The following DMD variants were observed in gnomAD, a reference collection of about 807,000 sequenced individuals.
DMD encodes the protein dystrophin.
In DMD, 63 loss-of-function variants were observed where a neutral mutation model predicts 330.1. The ratio of observed to expected loss-of-function variants is 0.19; its 90% CI spans 0.16 to 0.24. DMD has a LOEUF of 0.24. Ranked by LOEUF, DMD falls within the 10% of genes least tolerant of loss-of-function variation. DMD has a pLI of 1.00. For missense variants in DMD, 3,344 were observed against 2,684.1 expected (o/e 1.25, Z -5.43); for synonymous variants, 1,223 against 959.8 (o/e 1.27, Z -5.07).
intron 44 of DMD, among the ~76,000 whole-genome samples, chrX:32,201,088 C>G (rs780792794): frequency 5.4e-5 from 6 of 111,659 alleles, no homozygotes; most frequent in African/African-American, 2.0e-4. Flanking sequence ...GTAGGGGATA[C>G]ATTCCAAGAC....
At chrX:32,666,150 A>G (rs768083265) in intron 9 of DMD, among the ~76,000 whole-genome samples, 2 of 111,457 alleles carry the variant, frequency 1.8e-5, no homozygotes, top group Non-Finnish European at 3.8e-5. Flanking sequence ...CACTATAAAT[A>G]TGACAAGGAC....
At chrX:31,174,366 ATCTTT>A (rs2148236691) in intron 71 of DMD, among the ~76,000 whole-genome samples, 1 of 111,919 alleles carries the variant, frequency 8.9e-6, no homozygotes, top group Non-Finnish European at 1.9e-5. Flanking sequence ...ATAAACACCT[ATCTTT>A]TCTTATCTCC....
At chrX:32,454,640 G>C in intron 26 of DMD, 22 bp downstream of exon 26, 2 of 1,035,580 alleles carry the variant, frequency 1.9e-6, no homozygotes, top group Non-Finnish European at 2.6e-6. Flanking sequence ...GTTTTACTTA[G>C]TTTTTCTTTT....
At chrX:33,161,839 G>C (rs759503958) in intron 1 of DMD, among the ~76,000 whole-genome samples, 5 of 111,982 alleles carry the variant, frequency 4.5e-5, no homozygotes, top group Non-Finnish European at 9.4e-5. Context: ...ACACTAATCT[G>C]AAGTTGTTAA....
intron 2 of DMD, among the ~76,000 whole-genome samples, chrX:32,891,915 T>C (rs764698269): frequency 5.4e-5 from 6 of 111,086 alleles, no homozygotes; most frequent in Non-Finnish European, 9.4e-5. Flanking sequence ...AATCCTGCCA[T>C]CCTCTCGCGT....
At chrX:32,650,117 C>CAG (rs1389175305) in intron 9 of DMD, among the ~76,000 whole-genome samples, 1 of 111,259 alleles carries the variant, frequency 9.0e-6, no homozygotes, top group African/African-American at 3.3e-5. Flanking sequence ...GTAGTGAAAC[C>CAG]AGCAGCCCAG....
intron 29 of DMD, among the ~76,000 whole-genome samples, chrX:32,433,759 A>T (rs779509916): frequency 1.8e-5 from 2 of 111,959 alleles, no homozygotes; most frequent in Non-Finnish European, 1.9e-5. Context: ...CATATCTGAC[A>T]ATTAAAAGGG....
chrX:32,120,497 G>A (rs1480798952), intron 44 of DMD, among the ~76,000 whole-genome samples: 2 of 112,283 alleles, frequency 1.8e-5, no homozygotes, highest in East Asian at 2.8e-4. Context: ...CACTGATTCA[G>A]TAGGTTTGGG....
At chrX:32,346,400 T>C (rs1282844924) in intron 38 of DMD, among the ~76,000 whole-genome samples, 1 of 111,165 alleles carries the variant, frequency 9.0e-6, no homozygotes, top group Non-Finnish European at 1.9e-5. Flanking sequence ...TTTAGTGTAG[T>C]TCTAGAAATT....
At chrX:33,081,495 A>C (rs1237030407) in intron 1 of DMD, among the ~76,000 whole-genome samples, 2 of 111,839 alleles carry the variant, frequency 1.8e-5, no homozygotes, top group Admixed American at 9.5e-5. Context: ...GCTGGTCTCA[A>C]ACTGCTGACC....
At chrX:32,970,710 TAAG>T (rs772880717) in intron 2 of DMD, among the ~76,000 whole-genome samples, 2 of 93,077 alleles carry the variant, frequency 2.1e-5, no homozygotes, top group Admixed American at 1.1e-4. Context: ...TAAGGCACAA[TAAG>T]AAGAATTTTC....
intron 7 of DMD, among the ~76,000 whole-genome samples, chrX:32,711,398 A>G (rs2065177913): frequency 9.0e-6 from 1 of 111,031 alleles, no homozygotes. Context: ...TCATAGCTCC[A>G]GTCCCCATAT....
intron 1 of DMD, among the ~76,000 whole-genome samples, chrX:33,094,077 T>G (rs1030363535): frequency 1.3e-4 from 14 of 107,343 alleles, no homozygotes; most frequent in African/African-American, 4.3e-4. Flanking sequence ...AAAATGTGTG[T>G]TTTTTTTTTC....
chrX:32,223,216 T>A lies in DMD; in HGVS notation c.6291-6153A>T, dbSNP rs2097137205. ...AAGTCCAAGATAAAGGCTCTGGCAT[T>A]TGGTGTCTGGTGAGGGCCTTCCTGC... On this transcript the variant is annotated intron_variant, in intron 43 of 78. Coordinates refer to ENST00000357033, the MANE Select transcript of DMD (RefSeq NM_004006.3). Among the ~76,000 whole-genome samples the A allele has an allele frequency of 2.7e-5, 3 of 111,813 alleles. No homozygotes were observed. The Admixed American group carries it at 2.9e-4, about 11-fold the overall frequency.
At chrX:31,125,994 GAC>G (rs1202985429) in intron 78 of DMD, among the ~76,000 whole-genome samples, 2 of 111,304 alleles carry the variant, frequency 1.8e-5, no homozygotes, top group East Asian at 5.7e-4. Context: ...TGTCACCTGG[GAC>G]ACACTGCTTA....
At chrX:31,699,426 T>G (rs761501536) in intron 52 of DMD, among the ~76,000 whole-genome samples, 1 of 112,345 alleles carries the variant, frequency 8.9e-6, no homozygotes, top group South Asian at 3.7e-4. Context: ...TTGGTAAATT[T>G]CAACTTGGCA....
At chrX:32,721,180 C>T (rs752534141) in intron 7 of DMD, among the ~76,000 whole-genome samples, 3 of 110,963 alleles carry the variant, frequency 2.7e-5, no homozygotes, top group East Asian at 2.8e-4. Flanking sequence ...GTAAGGCTAT[C>T]TCCACAAGGT....
intron 7 of DMD, among the ~76,000 whole-genome samples, chrX:32,726,993 A>G (rs2066963632): frequency 1.8e-5 from 2 of 110,737 alleles, no homozygotes; most frequent in African/African-American, 3.3e-5. Flanking sequence ...GTAGATTCAT[A>G]AAGACCTTTT....
intron 50 of DMD, among the ~76,000 whole-genome samples, chrX:31,816,823 A>C (rs868298865): frequency 2.5e-4 from 11 of 43,581 alleles, no homozygotes; most frequent in Middle Eastern, 0.013. Context: ...CACACACACA[A>C]AGAAAAAAGA....
Sources: gnomAD v4.1 joint callset for allele counts (sites outside exome capture counted in the v4.1 genomes callset) on GRCh38, gnomAD v4.1.1 for gene constraint, MANE v1.5 for transcripts, NCBI Gene and HGNC (gene_info 2026-07-23, HGNC 2026-07-21) for gene names.